NTRK2: variants seen among roughly 807,000 people sequenced by gnomAD.
NTRK2 encodes the protein neurotrophic receptor tyrosine kinase 2.
Under a neutral mutation model 94.5 loss-of-function variants are expected in NTRK2, and 13 were observed. The ratio of observed to expected loss-of-function variants is 0.14; its 90% CI spans 0.09 to 0.22. The LOEUF is 0.22. Among genes scored for constraint, NTRK2 ranks in the 10% least tolerant of loss-of-function variants. NTRK2 has a pLI of 1.00. For missense variants in NTRK2, 639 were observed against 1,071.2 expected (o/e 0.60, Z 5.63); for synonymous variants, 372 against 407.4 (o/e 0.91, Z 1.05).
intron 12 of NTRK2, among the ~76,000 whole-genome samples, chr9:84,829,408 C>T (rs1339113358): frequency 2.0e-5 from 3 of 152,144 alleles, no homozygotes; most frequent in Non-Finnish European, 4.4e-5. Flanking sequence ...AGGTAATAGT[C>T]AAACAAAGCA....
At chr9:85,005,957 A>C (rs1830915572) in intron 17 of NTRK2, among the ~76,000 whole-genome samples, 1 of 152,058 alleles carries the variant, frequency 6.6e-6, no homozygotes, top group Admixed American at 6.5e-5. Context: ...TTTGTATCCC[A>C]CTAAAATGAG....
intron 17 of NTRK2, among the ~76,000 whole-genome samples, chr9:84,987,366 A>T (rs1191554809): frequency 6.6e-6 from 1 of 152,190 alleles, no homozygotes; most frequent in Non-Finnish European, 1.5e-5. Flanking sequence ...CATTTTTTTA[A>T]GTTAGGAAAA....
chr9:84,777,796 G>A (rs1028114483), intron 12 of NTRK2, among the ~76,000 whole-genome samples: 3 of 152,142 alleles, frequency 2.0e-5, no homozygotes, highest in Non-Finnish European at 4.4e-5. Flanking sequence ...CGACAGTAAA[G>A]GTAGTTTGAT....
At chr9:84,870,026 G>A (rs2075769354) in intron 14 of NTRK2, among the ~76,000 whole-genome samples, 1 of 147,794 alleles carries the variant, frequency 6.8e-6, no homozygotes, top group Non-Finnish European at 1.5e-5. Flanking sequence ...GACCTGACAT[G>A]TAGATGAATC....
At chr9:84,985,001 C>T (rs1257391158) in intron 17 of NTRK2, among the ~76,000 whole-genome samples, 1 of 152,200 alleles carries the variant, frequency 6.6e-6, no homozygotes, top group African/African-American at 2.4e-5. Context: ...CTTTACCTTC[C>T]TGTCATAGAA....
At chr9:84,751,907 A>T in intron 11 of NTRK2, 79 bp from the exon 12 acceptor site, 1 of 1,095,212 alleles carries the variant, frequency 9.1e-7, no homozygotes, top group Non-Finnish European at 1.4e-6. Context: ...TATCATTATC[A>T]TCGTCATGAT....
At chr9:84,696,164 C>T (rs113419923) in intron 2 of NTRK2, among the ~76,000 whole-genome samples, 4,786 of 152,254 alleles carry the variant, frequency 0.031, 248 homozygotes, top group African/African-American at 0.097. Flanking sequence ...CACCTGCCAC[C>T]ATGCCCAGCT....
At chr9:84,987,115 A>C (rs1828418132) in intron 17 of NTRK2, among the ~76,000 whole-genome samples, 1 of 152,202 alleles carries the variant, frequency 6.6e-6, no homozygotes, top group Admixed American at 6.5e-5. Flanking sequence ...GGTTGACCCA[A>C]TTTCACATGT....
chr9:84,874,932 T>C, intron 14 of NTRK2: 1 of 1,056,156 alleles, frequency 9.5e-7, no homozygotes, highest in Non-Finnish European at 1.1e-6. Flanking sequence ...GATAGGATTG[T>C]CTTCCTCACC....
At chr9:84,756,540 A>G (rs1394083720) in intron 12 of NTRK2, among the ~76,000 whole-genome samples, 2 of 152,226 alleles carry the variant, frequency 1.3e-5, no homozygotes, top group Admixed American at 1.3e-4. Context: ...TTCGGCTATC[A>G]GTTTTGTGTT....
At chr9:84,939,051 C>CAAAAAAAAAA (rs138558531) in intron 15 of NTRK2, among the ~76,000 whole-genome samples, 60 of 67,874 alleles carry the variant, frequency 8.8e-4, no homozygotes, top group East Asian at 1.9e-3. Context: ...GACCCCAACT[C>CAAAAAAAAAA]AAAAAAAAAA....
chr9:84,766,372 TTTG>T (rs200006182), intron 12 of NTRK2, among the ~76,000 whole-genome samples: 1 of 151,958 alleles, frequency 6.6e-6, no homozygotes, highest in African/African-American at 2.4e-5. Context: ...ATTTAGGAGT[TTTG>T]TTGTTGTTGT....
At chr9:84,975,421 A>G (rs903722193) in intron 17 of NTRK2, among the ~76,000 whole-genome samples, 4 of 152,240 alleles carry the variant, frequency 2.6e-5, no homozygotes, top group African/African-American at 9.6e-5. Context: ...GTTCTGATTC[A>G]TAGAGTATTG....
intron 2 of NTRK2, among the ~76,000 whole-genome samples, chr9:84,679,761 GT>G (rs1240979539): frequency 1.3e-5 from 2 of 152,196 alleles, no homozygotes; most frequent in Non-Finnish European, 2.9e-5. Flanking sequence ...GCCTGCTTCA[GT>G]TCTTTTGGTG....
chr9:84,817,762 G>A (rs2072520584), intron 12 of NTRK2, among the ~76,000 whole-genome samples: 1 of 152,146 alleles, frequency 6.6e-6, no homozygotes, highest in South Asian at 2.1e-4. Context: ...GTATTCACAG[G>A]CAATGAGTTA....
At position 84,872,127 on chromosome 9, in the gene NTRK2, C is replaced by T. The variant is rs543038793; in HGVS notation, c.1633+4696C>T. On this transcript the variant is annotated intron_variant, in intron 14 of 18. Coordinates refer to ENST00000277120, the MANE Select transcript of NTRK2 (RefSeq NM_006180.6). The stretch of plus-strand genomic sequence containing the variant: ...CATCAAGTCTGGAGTTGGTCTTTAA[C>T]TCAACTAGCTCGTTTAGACGTGTCT... 2.3e-6 allele frequency: 3 copies of T among 1,284,790 alleles called. No individual in the cohort carries two copies. In the African/African-American group the frequency reaches 4.5e-5, roughly 19 times the overall value. The allele number at this position is 1,284,790 out of a possible 1,614,324, so 79.6% of individuals were successfully genotyped here.
intron 14 of NTRK2, among the ~76,000 whole-genome samples, chr9:84,901,353 G>T (rs2076924295): frequency 6.6e-6 from 1 of 151,948 alleles, no homozygotes; most frequent in Admixed American, 6.6e-5. Context: ...CTCCTGATTA[G>T]CTGGGACTAC....
At chr9:84,751,841 T>TA in intron 11 of NTRK2, 145 bp from the exon 12 acceptor site, 1 of 699,338 alleles carries the variant, frequency 1.4e-6, no homozygotes, top group Non-Finnish European at 2.6e-6. Flanking sequence ...TGAGTTGGTG[T>TA]ACATAAGGCT....
chr9:84,822,899 C>T (rs2072941711), intron 12 of NTRK2, among the ~76,000 whole-genome samples: 2 of 152,182 alleles, frequency 1.3e-5, no homozygotes, highest in Non-Finnish European at 2.9e-5. Flanking sequence ...ACAGTAGACA[C>T]TGTCTTATCT....
Sources: allele counts gnomAD v4.1 joint callset (sites outside exome capture counted in the v4.1 genomes callset), GRCh38; gene constraint gnomAD v4.1.1; transcripts MANE v1.5; gene names NCBI Gene and HGNC (gene_info 2026-07-23, HGNC 2026-07-21).